The following TCEANC2 variants were observed in gnomAD, a reference collection of about 807,000 sequenced individuals.
TCEANC2 encodes the protein transcription elongation factor A N-terminal and central domain containing 2.
Under a neutral mutation model 22.8 loss-of-function variants are expected in TCEANC2, and 20 were observed. The ratio of observed to expected loss-of-function variants is 0.88; its 90% CI spans 0.62 to 1.28. TCEANC2 has a LOEUF of 1.28. TCEANC2 is among the 50% of genes most tolerant of loss of function. TCEANC2 has a pLI of 0.00. For missense variants in TCEANC2, 251 were observed against 249.7 expected (o/e 1.01, Z -0.03); for synonymous variants, 84 against 95.5 (o/e 0.88, Z 0.70).
rs1371820028 is a variant in TCEANC2 at position 54,105,846 on chromosome 1, C to T, written c.*9373C>T. The T allele has an allele frequency of 6.6e-6, 1 of 152,118 alleles. No individual in the cohort carries two copies. The highest frequency in any genetic ancestry group is 6.5e-5 in the Admixed American group (1 of 15,272). 9.4% of individuals were successfully genotyped at this position (152,118 alleles called of 1,614,324 possible). ...ATGTTGGCCAGGATGGTCTTGATCT[C>T]TTGACCTCGTGATCCGCGCTCCTCG... is the stretch of plus-strand genomic sequence containing the variant. On this transcript the variant is annotated 3_prime_UTR_variant, in exon 5 of 5. Transcript: ENST00000234827.
At chr1:54,077,316 A>C (rs115832926) in intron 3 of TCEANC2, among the ~76,000 whole-genome samples, 2,922 of 152,220 alleles carry the variant, frequency 0.019, 42 homozygotes, top group Non-Finnish European at 0.028. Context: ...CTCTTTTTAT[A>C]GCCAGATTCC....
At chr1:54,064,825 A>T (rs1657918734) in intron 2 of TCEANC2, among the ~76,000 whole-genome samples, 1 of 149,864 alleles carries the variant, frequency 6.7e-6, no homozygotes, top group African/African-American at 2.5e-5. Context: ...TCAGCCTCCC[A>T]AGTAGCTGGG....
At chr1:54,057,166 G>A (rs189723781) in intron 2 of TCEANC2, among the ~76,000 whole-genome samples, 71 of 151,192 alleles carry the variant, frequency 4.7e-4, no homozygotes, top group African/African-American at 1.7e-3. Context: ...AAGTAACTGG[G>A]ACTAGAAATC....
At chr1:54,088,829 A>G in intron 4 of TCEANC2, 39 bp downstream of exon 4, 1 of 1,403,124 alleles carries the variant, frequency 7.1e-7, no homozygotes. Flanking sequence ...TGTACCCATA[A>G]TAATTAATTT....
At chr1:54,076,505 T>C (rs756938789) in intron 3 of TCEANC2, among the ~76,000 whole-genome samples, 87 of 152,336 alleles carry the variant, frequency 5.7e-4, no homozygotes, top group Middle Eastern at 6.8e-3. Flanking sequence ...TAGTCTGTCA[T>C]TGATGGGCAT....
intron 2 of TCEANC2, among the ~76,000 whole-genome samples, chr1:54,057,230 T>G (rs1657767960): frequency 1.4e-5 from 2 of 146,136 alleles, no homozygotes; most frequent in African/African-American, 5.0e-5. Flanking sequence ...TTTTCTTTGT[T>G]TTTTTTTTTT....
At chr1:54,076,138 T>A (rs553970826) in intron 3 of TCEANC2, among the ~76,000 whole-genome samples, 2 of 152,176 alleles carry the variant, frequency 1.3e-5, no homozygotes, top group Non-Finnish European at 2.9e-5. Flanking sequence ...TGTGAAGGTT[T>A]GTTATATAGG....
downstream of TCEANC2, among the ~76,000 whole-genome samples, chr1:54,109,617 C>T (rs199596301): frequency 2.3e-3 from 345 of 152,300 alleles, 3 homozygotes; most frequent in African/African-American, 8.2e-3. Context: ...GTGAACTTCT[C>T]CAGGGAAGGG....
chr1:54,076,039 A>AAAG (rs533347823), intron 3 of TCEANC2, among the ~76,000 whole-genome samples: 2 of 151,908 alleles, frequency 1.3e-5, no homozygotes, highest in Admixed American at 6.6e-5. Context: ...AAAAAAAAAA[A>AAAG]AAGAAGAAGA....
chr1:54,099,140 T>C lies in TCEANC2; in HGVS notation c.*2667T>C, dbSNP rs1658609797. 1 of 152,250 alleles carries C rather than the reference T, an allele frequency of 6.6e-6. No homozygotes were observed. The highest frequency in any genetic ancestry group is 2.4e-5 in the African/African-American group (1 of 41,468). The allele number at this position is 152,250 out of a possible 1,614,324, so 9.4% of individuals were successfully genotyped here. A position where few individuals can be genotyped will look rare whatever the true frequency, so the allele number is the denominator to read the frequency against. The stretch of plus-strand genomic sequence containing the variant: ...GGTAGGGAGACAGGAAGTAGCAAGC[T>C]TCATGTTTAAAGAACCAAAGAGTTC... On this transcript the variant is annotated 3_prime_UTR_variant, in exon 5 of 5. Coordinates refer to ENST00000234827, the MANE Select transcript of TCEANC2 (RefSeq NM_153035.3).
At chr1:54,086,654 G>A (rs1015633788) in intron 3 of TCEANC2, among the ~76,000 whole-genome samples, 6 of 152,332 alleles carry the variant, frequency 3.9e-5, no homozygotes, top group African/African-American at 1.4e-4. Context: ...AGATTGTGAA[G>A]GGACTTTTAT....
At chr1:54,086,912 A>G (rs1181263868) in intron 3 of TCEANC2, among the ~76,000 whole-genome samples, 1 of 152,178 alleles carries the variant, frequency 6.6e-6, no homozygotes, top group Admixed American at 6.5e-5. Flanking sequence ...GATGGAGGAA[A>G]AGGAGGAATC....
At chr1:54,081,665 C>A (rs1238754711) in intron 3 of TCEANC2, among the ~76,000 whole-genome samples, 1 of 138,688 alleles carries the variant, frequency 7.2e-6, no homozygotes, top group East Asian at 2.2e-4. Context: ...GACTGAATTG[C>A]CTTTTTGCTG....
rs1658613325 is a variant in TCEANC2, at chr1:54,099,350, G to A, written c.*2877G>A. 6.6e-6 allele frequency: 1 copy of A among 152,204 alleles called. No individual in the cohort carries two copies. The highest frequency in any genetic ancestry group is 1.5e-5 in the Non-Finnish European group (1 of 68,030). The allele number at this position is 152,204 out of a possible 1,614,324, so 9.4% of individuals were successfully genotyped here. ...CAGAATTTCCATGAACGCTAATGGA[G>A]CTATTCTGAGCATTTGCTGAAGGGA... On this transcript the variant is annotated 3_prime_UTR_variant, in exon 5 of 5. Coordinates refer to ENST00000234827, the MANE Select transcript of TCEANC2 (RefSeq NM_153035.3).
intron 3 of TCEANC2, among the ~76,000 whole-genome samples, chr1:54,079,314 GGAAAAACT>G (rs1300334004): frequency 2.0e-5 from 3 of 152,078 alleles, no homozygotes; most frequent in African/African-American, 7.2e-5. Context: ...TTTTACAAAT[GGAAAAACT>G]GAGGCTTGGA....
rs1658560112 is a variant in TCEANC2 at position 54,096,536 on chromosome 1, A to G, written c.*63A>G. On this transcript the variant is annotated 3_prime_UTR_variant, in exon 5 of 5. Transcript: ENST00000234827. This position sits in a 1 kb window ranked among gnomAD's most constrained non-coding sequence, Gnocchi z 4.9. Reference sequence around the variant, plus strand: ...AAAATGGGCCTGTCTCTGCCGTTCAAAGACGCTTTTGAGTTTGGGTGATGG... The same window carrying G: ...AAAATGGGCCTGTCTCTGCCGTTCAGAGACGCTTTTGAGTTTGGGTGATGG... 1.3e-6 allele frequency: 2 copies of G among 1,536,614 alleles called. No individual in the cohort carries two copies. Among genetic ancestry groups the G allele is most frequent in the Admixed American group, 1.9e-5 (1 of 51,360 alleles).
At chr1:54,057,690 A>G (rs1256086251) in intron 2 of TCEANC2, among the ~76,000 whole-genome samples, 1 of 151,956 alleles carries the variant, frequency 6.6e-6, no homozygotes, top group Non-Finnish European at 1.5e-5. Context: ...AAGAAAATCT[A>G]CTCAGGTCAC....
intron 2 of TCEANC2, among the ~76,000 whole-genome samples, chr1:54,059,008 A>C (rs1189087767): frequency 6.6e-6 from 1 of 152,042 alleles, no homozygotes; most frequent in African/African-American, 2.4e-5. Context: ...GGCTTCCTTG[A>C]ACTTGATGCT....
chr1:54,074,462 C>CA (rs573382502), intron 3 of TCEANC2, among the ~76,000 whole-genome samples: 2,735 of 137,926 alleles, frequency 0.02, 70 homozygotes, highest in African/African-American at 0.064. Context: ...GACTCCGTCT[C>CA]AAAAAAAAAA....
Sources: gnomAD v4.1 joint callset for allele counts (sites outside exome capture counted in the v4.1 genomes callset) on GRCh38, gnomAD v4.1.1 for gene constraint, Gnocchi (gnomAD v3.1) non-coding constraint, MANE v1.5 for transcripts, NCBI Gene and HGNC (gene_info 2026-07-23, HGNC 2026-07-21) for gene names.